The following C4orf50 variants were observed in gnomAD, a reference collection of about 807,000 sequenced individuals.
C4orf50 encodes the protein uncharacterized protein C4orf50.
In C4orf50, 80 loss-of-function variants were observed where a neutral mutation model predicts 77.2. The ratio of observed to expected loss-of-function variants is 1.04; its 90% confidence interval spans 0.87 to 1.25. The LOEUF (loss-of-function observed/expected upper bound fraction) is 1.25, where lower values mean the gene tolerates loss of function less well. Among genes scored for constraint, C4orf50 ranks in the 50% most tolerant of loss-of-function variants. The probability of loss-of-function intolerance (pLI) is 0.00; values close to 1 mark genes in which losing one functional copy is unlikely to be tolerated. For missense variants in C4orf50, 1,257 were observed against 1,152.9 expected, an observed-to-expected ratio of 1.09 and a Z score of -1.31; for synonymous variants, 532 against 465.3, an observed-to-expected ratio of 1.14 and a Z score of -1.84.
chr4:5,913,043 C>T (rs1338120155), intron 7 of C4orf50, among the ~76,000 whole-genome samples: 2 of 152,234 alleles, frequency 1.3e-5, no homozygotes, highest in Non-Finnish European at 2.9e-5. Context: ...CCGTATCTCT[C>T]TGGCCAACAA....
chr4:5,988,766 G>T (rs1024055980), exon 28 of C4orf50: 2 of 1,536,082 alleles, frequency 1.3e-6, no homozygotes, highest in Non-Finnish European at 8.7e-7. Flanking sequence ...TGGACCCTGC[G>T]TAGAAGGTGC....
At chr4:5,977,307 A>T (rs1720343283) in intron 29 of C4orf50, among the ~76,000 whole-genome samples, 1 of 152,194 alleles carries the variant, frequency 6.6e-6, no homozygotes, top group Non-Finnish European at 1.5e-5. Flanking sequence ...GCAGTCAGTT[A>T]AAAAAATCAA....
At chr4:5,941,849 C>G (rs1000350534) in intron 7 of C4orf50, among the ~76,000 whole-genome samples, 4 of 152,200 alleles carry the variant, frequency 2.6e-5, no homozygotes, top group Non-Finnish European at 5.9e-5. Flanking sequence ...GGGACTCCTC[C>G]TCCTCTCACT....
chr4:5,914,740 A>G (rs536883393), intron 7 of C4orf50, among the ~76,000 whole-genome samples: 7 of 152,336 alleles, frequency 4.6e-5, no homozygotes, highest in South Asian at 2.1e-4. Context: ...CTATAGCATT[A>G]AAGTTATTTG....
intron 31 of C4orf50, among the ~76,000 whole-genome samples, chr4:5,968,958 C>T (rs978864930): frequency 6.6e-6 from 1 of 152,174 alleles, no homozygotes; most frequent in Admixed American, 6.5e-5. Context: ...TCTGGAGTGG[C>T]TGCAGAGCCA....
chr4:5,973,536 G>A (rs1720053372), intron 31 of C4orf50, 123 bp downstream of exon 9: 11 of 826,088 alleles, frequency 1.3e-5, no homozygotes, highest in Non-Finnish European at 2.2e-5. Context: ...GTGTCTTCTT[G>A]GGTAGTGTCC....
Position 5,993,407 on chromosome 4 carries a change from T to C in C4orf50, c.1094-477A>G, listed in dbSNP as rs539456975. On this transcript the variant is annotated intron_variant, in intron 26 of 33. Transcript: ENST00000531445. ...CACATATGGAGGATAATACCATCCCTAACAGCCCTTGAGGTTGGAGGGCTG... is the reference window on the plus strand; with the variant it reads ...CACATATGGAGGATAATACCATCCCCAACAGCCCTTGAGGTTGGAGGGCTG... 3.5e-4 allele frequency among the ~76,000 whole-genome samples: 53 copies of C among 152,314 alleles called. No individual in the cohort carries two copies. In the South Asian group the frequency reaches 0.011, roughly 32 times the overall value.
rs1432384276 is a variant in C4orf50 at position 5,905,365 on chromosome 4, T to C, written c.*2475-7177A>G. On this transcript the variant is annotated intron_variant, in intron 7 of 7. Transcript: ENST00000324058. The surrounding 1 kb of genome is among the most constrained non-coding windows in gnomAD (Gnocchi z 5.4). ...GCTCACTGGAAAGGATTGTAAATCA[T>C]AGGCCACCTCTGCTCTGTCGGTCAG... 6.6e-6 allele frequency: 1 copy of C among 152,260 alleles called. No individual in the cohort carries two copies. Among genetic ancestry groups the C allele is most frequent in the Admixed American group, 6.5e-5 (1 of 15,282 alleles). The allele number at this position is 152,260 out of a possible 1,614,324, so 9.4% of individuals were successfully genotyped here.
intron 7 of C4orf50, among the ~76,000 whole-genome samples, chr4:5,913,940 T>C (rs918935631): frequency 6.6e-6 from 1 of 152,148 alleles, no homozygotes; most frequent in African/African-American, 2.4e-5. Context: ...AAGACAAAGA[T>C]TTATAGACAA....
intron 7 of C4orf50, among the ~76,000 whole-genome samples, chr4:5,917,252 A>T (rs569552011): frequency 2.6e-5 from 4 of 152,290 alleles, no homozygotes; most frequent in African/African-American, 9.6e-5. Flanking sequence ...TGGGGCTGCA[A>T]AAGCTAGACA....
intron 25 of C4orf50, among the ~76,000 whole-genome samples, chr4:5,997,850 C>T (rs966326380): frequency 2.0e-5 from 3 of 152,158 alleles, no homozygotes; most frequent in Non-Finnish European, 4.4e-5. Flanking sequence ...TCTACAGGAT[C>T]TTCTGCAGTG....
chr4:5,905,587 T>C lies in C4orf50; in HGVS notation c.*2475-7399A>G, dbSNP rs982762240. ...TTAAACACCATATGTGGTGGACTTA[T>C]ATCATGGAGTATCTATCATACAATT... On this transcript the variant is annotated intron_variant, in intron 7 of 7. Transcript: ENST00000324058. The surrounding 1 kb of genome is among the most constrained non-coding windows in gnomAD (Gnocchi z 5.4). 3 of 152,342 alleles carry C rather than the reference T, an allele frequency of 2.0e-5. No individual in the cohort carries two copies. The highest frequency in any genetic ancestry group is 2.1e-4 in the South Asian group (1 of 4,830). The allele number at this position is 152,342 out of a possible 1,614,324, so 9.4% of individuals were successfully genotyped here.
chr4:6,013,520 T>C (rs1459518295), intron 23 of C4orf50, among the ~76,000 whole-genome samples: 1 of 152,198 alleles, frequency 6.6e-6, no homozygotes, highest in African/African-American at 2.4e-5. Flanking sequence ...ATCCAGGCCC[T>C]AATCCCTGGA....
At chr4:5,979,823 C>G (rs1383952368) in intron 29 of C4orf50, among the ~76,000 whole-genome samples, 1 of 152,198 alleles carries the variant, frequency 6.6e-6, no homozygotes, top group Non-Finnish European at 1.5e-5. Context: ...AAGTCCCGTG[C>G]AATTCTGGTA....
chr4:5,965,057 C>A, exon 33 of C4orf50: 1 of 1,613,614 alleles, frequency 6.2e-7, no homozygotes, highest in Non-Finnish European at 8.5e-7. Flanking sequence ...TCTGTGCTGG[C>A]CACTCCGGCT....
chr4:5,994,342 C>T lies in C4orf50; in HGVS notation c.1093+5G>A, dbSNP rs17707957. The T allele has an allele frequency of 0.039, 15,676 of 399,238 alleles. 381 individuals carry two copies. The highest frequency in any genetic ancestry group is 0.053 in the Non-Finnish European group (11,951 of 226,190). 24.7% of individuals were successfully genotyped at this position (399,238 alleles called of 1,614,324 possible). On this transcript the variant is annotated splice_donor_5th_base_variant and intron_variant, in intron 26 of 33. Coordinates refer to ENST00000531445, the Ensembl canonical transcript of C4orf50. ...CGTCCTCCACGCACCGCGGTACCCG[C>T]GCACCTGCTGGGGCCCTTTGTCTGG...
chr4:6,004,167 A>ATGATGG (rs1722061015), intron 25 of C4orf50, among the ~76,000 whole-genome samples: 3 of 100,498 alleles, frequency 3.0e-5, no homozygotes, highest in African/African-American at 4.2e-5. Flanking sequence ...GATGATAGTG[A>ATGATGG]TGATGGTGAT....
intron 7 of C4orf50, among the ~76,000 whole-genome samples, chr4:5,930,475 C>T (rs377758753): frequency 8.0e-4 from 122 of 152,314 alleles, no homozygotes; most frequent in African/African-American, 2.8e-3. Flanking sequence ...GTTCAGCTGA[C>T]CACTTCATAA....
rs1022171853 is a variant in C4orf50 at position 5,916,331 on chromosome 4, C to A, written c.*2475-18143G>T. Among the ~76,000 whole-genome samples, 1 of 152,130 alleles carries A rather than the reference C, an allele frequency of 6.6e-6. No homozygotes were observed. The highest frequency in any genetic ancestry group is 1.9e-4 in the East Asian group (1 of 5,184). On this transcript the variant is annotated intron_variant, in intron 7 of 7. Transcript: ENST00000324058. The surrounding 1 kb of genome is among the most constrained non-coding windows in gnomAD (Gnocchi z 4.4). Reference sequence around the variant, plus strand: ...ATTTTTTGTCTGGGTGTTGACCAATCAACTAGGAGAGGGGTGGGGCTTAAC... The same window carrying A: ...ATTTTTTGTCTGGGTGTTGACCAATAAACTAGGAGAGGGGTGGGGCTTAAC...
Sources: allele counts gnomAD v4.1 joint callset (sites outside exome capture counted in the v4.1 genomes callset), GRCh38; gene constraint gnomAD v4.1.1; non-coding constraint Gnocchi (gnomAD v3.1); transcripts MANE v1.5; gene names NCBI Gene and HGNC (gene_info 2026-07-23, HGNC 2026-07-21).